RTF2: variants seen among roughly 807,000 people sequenced by gnomAD.
RTF2 encodes UPF0549 protein C20orf43.
RTF2 carries 18 observed loss-of-function variants against 38.0 expected under a neutral mutation model. That is an observed-to-expected ratio of 0.47 (90% CI 0.33 to 0.70). RTF2 has a LOEUF of 0.70. Among genes scored for constraint, RTF2 ranks in the 30% least tolerant of loss-of-function variants. RTF2 has a pLI of 0.02. For missense variants in RTF2, 311 were observed against 379.6 expected, an observed-to-expected ratio of 0.82 and a Z score of 1.50; for synonymous variants, 126 against 137.1, an observed-to-expected ratio of 0.92 and a Z score of 0.57.
At chr20:56,515,949 T>C (rs1985021014) in intron 6 of RTF2, 1 of 152,248 alleles carries the variant, frequency 6.6e-6, no homozygotes, top group Non-Finnish European at 1.5e-5. Context: ...TCTAACTCCT[T>C]CTTGCCTGTG....
chr20:56,491,254 TGAGCCTG>T (rs1983108184), intron 5 of RTF2, among the ~76,000 whole-genome samples: 2 of 152,206 alleles, frequency 1.3e-5, no homozygotes, highest in African/African-American at 4.8e-5. Context: ...TATTCCAGCT[TGAGCCTG>T]GATCCAGGTG....
chr20:56,469,820 G>T (rs144104042), intron 1 of RTF2, among the ~76,000 whole-genome samples: 267 of 152,228 alleles, frequency 1.8e-3, no homozygotes, highest in African/African-American at 6.3e-3. Flanking sequence ...TACTGTTCTA[G>T]CTAAACAGGC....
At position 56,518,585 on chromosome 20, in the gene RTF2, C is replaced by T. The variant is rs962887483; in HGVS notation, c.*320C>T. The T allele has an allele frequency of 2.8e-5, 7 of 251,750 alleles. No homozygotes were observed. The highest frequency in any genetic ancestry group is 5.4e-5 in the Admixed American group (1 of 18,412). The allele number at this position is 251,750 out of a possible 1,614,324, so 15.6% of individuals were successfully genotyped here. On this transcript the variant is annotated 3_prime_UTR_variant, in exon 9 of 9. Coordinates refer to ENST00000357348, the MANE Select transcript of RTF2 (RefSeq NM_016407.5). The stretch of plus-strand genomic sequence containing the variant: ...TAACAAGAGACTCCAGAGTCCTCAC[C>T]GGTGCAGAGTTGGCACATATTAATT...
At chr20:56,472,384 A>G in intron 1 of RTF2, 2 of 1,546,274 alleles carry the variant, frequency 1.3e-6, no homozygotes, top group Non-Finnish European at 1.7e-6. Flanking sequence ...GGAAAAAACA[A>G]GAACGGGAAG....
rs56227133 is a variant in RTF2 at position 56,479,818 on chromosome 20, C to CTT, written c.398+2711_398+2712dup. 6.5e-3 allele frequency among the ~76,000 whole-genome samples: 926 copies of CTT among 142,340 alleles called. 9 individuals are homozygous for CTT. Among genetic ancestry groups the CTT allele is most frequent in the African/African-American group, 0.015 (584 of 38,110 alleles). 93.4% of individuals were successfully genotyped at this position (142,340 alleles called of 152,430 possible). On this transcript the variant is annotated intron_variant, in intron 4 of 8. Coordinates refer to ENST00000357348, the MANE Select transcript of RTF2 (RefSeq NM_016407.5). ...TGAGCGGTGATATTTTGAAAGGAAT[C>CTT]TTTTTTTTTTTTTTTTTTGAGCAGT...
At chr20:56,515,579 GAGAGAGAGAGA>G (rs1984973613) in intron 6 of RTF2, 1 of 93,726 alleles carries the variant, frequency 1.1e-5, no homozygotes, top group Non-Finnish European at 2.2e-5. Flanking sequence ...CTCAGACAGA[GAGAGAGAGAGA>G]GAGAGAGAGA....
chr20:56,495,576 T>C (rs866079608), intron 5 of RTF2, among the ~76,000 whole-genome samples: 1 of 152,214 alleles, frequency 6.6e-6, no homozygotes, highest in African/African-American at 2.4e-5. Context: ...TTTCAGCCCT[T>C]TCTCCACCCC....
intron 4 of RTF2, among the ~76,000 whole-genome samples, chr20:56,477,678 C>T (rs541193639): frequency 1.9e-4 from 29 of 152,102 alleles, no homozygotes; most frequent in Non-Finnish European, 2.6e-4. Flanking sequence ...CCACCACGCC[C>T]GGCCACTAAT....
Position 56,517,113 on chromosome 20 carries a change from A to G in RTF2, c.654A>G (p.Pro218=). Reference sequence around the variant, plus strand: ...ACTTTGTTTCTTTTACAGAAGCCCCAGGGCCATCAAAAGTTAAGACAGGGA... The same window carrying G: ...ACTTTGTTTCTTTTACAGAAGCCCCGGGGCCATCAAAAGTTAAGACAGGGA... ...VSKPDVSEEA[P]GPSKVKTGKP... Residue 218 remains proline (P), a synonymous_variant, in exon 8 of 9, where the codon CCA becomes CCG. Coordinates refer to ENST00000357348, the MANE Select transcript of RTF2 (RefSeq NM_016407.5). 1.2e-6 allele frequency: 2 copies of G among 1,614,124 alleles called. No individual in the cohort carries two copies. Among genetic ancestry groups the G allele is most frequent in the East Asian group, 2.2e-5 (1 of 44,882 alleles).
At chr20:56,509,372 C>A (rs1240333706) in intron 5 of RTF2, among the ~76,000 whole-genome samples, 1 of 152,080 alleles carries the variant, frequency 6.6e-6, no homozygotes, top group Non-Finnish European at 1.5e-5. Context: ...AATCCCAGCA[C>A]TTTGGGAGGC....
At chr20:56,497,518 C>G (rs1433191121) in intron 5 of RTF2, 9 of 1,458,600 alleles carry the variant, frequency 6.2e-6, no homozygotes, top group Non-Finnish European at 8.3e-6. Flanking sequence ...TCTGATTCTG[C>G]AGGAGTTGGA....
At chr20:56,511,770 C>G (rs1984684154) in intron 5 of RTF2, among the ~76,000 whole-genome samples, 1 of 152,072 alleles carries the variant, frequency 6.6e-6, no homozygotes, top group African/African-American at 2.4e-5. Context: ...CACTAGGGAG[C>G]AGGATCAACC....
intron 5 of RTF2, among the ~76,000 whole-genome samples, chr20:56,507,135 G>A (rs1279989790): frequency 6.6e-6 from 1 of 152,158 alleles, no homozygotes; most frequent in Non-Finnish European, 1.5e-5. Context: ...AAATGCATTA[G>A]CAGGAAGATA....
At chr20:56,477,275 G>A in intron 4 of RTF2, 151 bp downstream of exon 4, 1 of 815,652 alleles carries the variant, frequency 1.2e-6, no homozygotes, top group Non-Finnish European at 1.9e-6. Flanking sequence ...GCTTGGTCAT[G>A]AGCACGTTCA....
rs146633334 is a variant in RTF2 at position 56,484,394 on chromosome 20, G to A, written c.477+205G>A. On this transcript the variant is annotated intron_variant, in intron 5 of 8. Coordinates refer to ENST00000357348, the MANE Select transcript of RTF2 (RefSeq NM_016407.5). ...CCTGCCAGTCCAGGTCAGACCACAC[G>A]AGGGCTGTTTCCTGAATGTGCTGCT... 1.2e-4 allele frequency among the ~76,000 whole-genome samples: 18 copies of A among 152,326 alleles called. 1 individual carries two copies. The East Asian group carries it at 2.3e-3, about 20-fold the overall frequency.
At chr20:56,496,907 T>C in intron 5 of RTF2, 1 of 1,551,796 alleles carries the variant, frequency 6.4e-7, no homozygotes, top group African/African-American at 1.4e-5. Context: ...ATGGTTGGAT[T>C]ACTCCAGGAG....
At position 56,477,009 on chromosome 20, in the gene RTF2, G is replaced by A; in HGVS notation, c.283G>A (p.Asp95Asn). Reference protein sequence around the residue: ...IKNVTELKLSDNPAWEGDKGN... With the variant: ...IKNVTELKLSNNPAWEGDKGN... ...GAATGTGACAGAGCTGAAGCTTTCTGATAATCCTGCCTGGGAAGGGGATAA... is the reference window on the plus strand; with the variant it reads ...GAATGTGACAGAGCTGAAGCTTTCTAATAATCCTGCCTGGGAAGGGGATAA... The change falls in exon 4 of 9, where the codon GAT becomes AAT. Residue 95 changes from aspartate to asparagine, a missense_variant. Coordinates refer to ENST00000357348, the MANE Select transcript of RTF2 (RefSeq NM_016407.5). 1 of 1,614,064 alleles carries A rather than the reference G, an allele frequency of 6.2e-7. No individual in the cohort carries two copies. The highest frequency in any genetic ancestry group is 1.1e-5 in the South Asian group (1 of 91,076).
chr20:56,480,428 CT>C (rs1198527580), intron 4 of RTF2, among the ~76,000 whole-genome samples: 8 of 152,350 alleles, frequency 5.3e-5, no homozygotes, highest in African/African-American at 1.9e-4. Flanking sequence ...GTTTGATCTT[CT>C]GTCCAGGCCA....
intron 8 of RTF2, among the ~76,000 whole-genome samples, chr20:56,517,767 C>A (rs960403106): frequency 6.6e-6 from 1 of 152,188 alleles, no homozygotes; most frequent in Non-Finnish European, 1.5e-5. Flanking sequence ...AGGCTCCCAT[C>A]CCGGCTCTAC....
Sources: gnomAD v4.1 joint callset for allele counts (sites outside exome capture counted in the v4.1 genomes callset) on GRCh38, gnomAD v4.1.1 for gene constraint, MANE v1.5 for transcripts, NCBI Gene and HGNC (gene_info 2026-07-23, HGNC 2026-07-21) for gene names.